The following MICAL2 variants were observed in gnomAD, a reference collection of about 807,000 sequenced individuals.
The protein encoded by MICAL2 is microtubule associated monooxygenase, calponin and LIM domain containing 2, also known as [F-actin]-monooxygenase MICAL2.
In MICAL2, 77 loss-of-function variants were observed where a neutral mutation model predicts 127.3. That is an observed-to-expected ratio of 0.60 (90% CI 0.50 to 0.73). The LOEUF (loss-of-function observed/expected upper bound fraction) is 0.73. Ranked by LOEUF, MICAL2 falls within the 30% of genes least tolerant of loss-of-function variation. The pLI is 0.00. For missense variants in MICAL2, 1,351 were observed against 1,434.4 expected (o/e 0.94, Z 0.94); for synonymous variants, 570 against 551.1 (o/e 1.03, Z -0.48).
intron 1 of MICAL2, among the ~76,000 whole-genome samples, chr11:12,119,493 TA>T (rs1050834222): frequency 2.0e-5 from 3 of 152,166 alleles, no homozygotes; most frequent in Non-Finnish European, 2.9e-5. Context: ...TTGTAATCTC[TA>T]AAAAAGGTAG....
Position 12,257,023 on chromosome 11 carries a change from G to A in MICAL2, c.3142+52G>A, listed in dbSNP as rs549926850. The A allele has an allele frequency of 1.0e-5, 16 of 1,535,480 alleles. No individual in the cohort carries two copies. In the East Asian group the frequency reaches 3.2e-4, roughly 31 times the overall value. ...GGGCTCTGGCCTTGGCCTCAGGTGT[G>A]ACCTTGGCTCGGGTTCCTGTCCCTC... On this transcript the variant is annotated intron_variant, in intron 24 of 27. Coordinates refer to ENST00000683283, the MANE Select transcript of MICAL2 (RefSeq NM_001282663.2).
chr11:12,180,552 A>G (rs897727101), intron 3 of MICAL2, among the ~76,000 whole-genome samples: 4 of 152,258 alleles, frequency 2.6e-5, no homozygotes, highest in Admixed American at 2.6e-4. Flanking sequence ...GTTTAATAAC[A>G]TCACAATAGT....
exon 35 of MICAL2, chr11:12,358,459 T>C: frequency 1.2e-6 from 2 of 1,614,164 alleles, no homozygotes; most frequent in Non-Finnish European, 1.7e-6. Flanking sequence ...CTCCAGAGGC[T>C]GTCAGCTGAG....
At position 12,221,395 on chromosome 11, in the gene MICAL2, G is replaced by A. The variant is rs1009979837; in HGVS notation, c.1207-249G>A. ...TCTCCCTCTCCCAGGATGGGAATTC[G>A]TCTCGCCTTTTCTGAGCCCTAAAGC... On this transcript the variant is annotated intron_variant, in intron 9 of 27. Coordinates refer to ENST00000683283, the MANE Select transcript of MICAL2 (RefSeq NM_001282663.2). 4.6e-5 allele frequency among the ~76,000 whole-genome samples: 7 copies of A among 152,152 alleles called. No homozygotes were observed. In the East Asian group the frequency reaches 7.7e-4, roughly 17 times the overall value.
chr11:12,248,858 T>C (rs1229487521), intron 21 of MICAL2, among the ~76,000 whole-genome samples: 1 of 146,410 alleles, frequency 6.8e-6, no homozygotes, highest in African/African-American at 2.5e-5. Context: ...GGAGGTCTCC[T>C]GTGTGCATCC....
At position 12,237,375 on chromosome 11, in the gene MICAL2, A is replaced by T. The variant is rs1859231865; in HGVS notation, c.2064+1130A>T. Among the ~76,000 whole-genome samples the T allele has an allele frequency of 3.3e-5, 5 of 152,202 alleles. No individual in the cohort carries two copies. In the South Asian group the frequency reaches 1.0e-3, roughly 32 times the overall value. ...GTGTAAGCAAGAAGCCAGCAAATAG[A>T]GACACAGAGAGGAAGCGGAGACTGC... On this transcript the variant is annotated intron_variant, in intron 16 of 27. Coordinates refer to ENST00000683283, the MANE Select transcript of MICAL2 (RefSeq NM_001282663.2).
At chr11:12,343,776 C>G (rs552022343) in intron 32 of MICAL2, among the ~76,000 whole-genome samples, 1 of 152,030 alleles carries the variant, frequency 6.6e-6, no homozygotes, top group Non-Finnish European at 1.5e-5. Flanking sequence ...ATGTTAGATA[C>G]GAGGAAAGGC....
In MICAL2 at chr11:12,209,576, T is replaced by C. The variant is rs1031326845; in HGVS notation, c.669T>C (p.Asp223=). Reference sequence around the variant, plus strand: ...AGTTTGACGTCATCATTGGTGCCGATGGCCGCAGGAACACCCTGGAAGGTG... The same window carrying C: ...AGTTTGACGTCATCATTGGTGCCGACGGCCGCAGGAACACCCTGGAAGGTG... ...EFEFDVIIGA[D]GRRNTLEGFR... The change falls in exon 6 of 28, where the codon GAT becomes GAC. Residue 223 remains aspartate (D), a synonymous_variant. Transcript: ENST00000683283. 2.1e-5 allele frequency: 34 copies of C among 1,613,900 alleles called. No homozygotes were observed. Among genetic ancestry groups the C allele is most frequent in the Non-Finnish European group, 2.9e-5 (34 of 1,179,924 alleles).
intron 3 of MICAL2, among the ~76,000 whole-genome samples, chr11:12,198,892 C>T (rs1371874473): frequency 6.6e-6 from 1 of 152,226 alleles, no homozygotes; most frequent in Non-Finnish European, 1.5e-5. Flanking sequence ...CTGGACCTGG[C>T]TTGCTCGTTC....
At chr11:12,158,394 G>T (rs1263516512) in intron 2 of MICAL2, among the ~76,000 whole-genome samples, 1 of 151,970 alleles carries the variant, frequency 6.6e-6, no homozygotes, top group Admixed American at 6.6e-5. Flanking sequence ...TCACATACAT[G>T]ATCTCACTGA....
At chr11:12,203,498 C>T (rs1854292063) in intron 3 of MICAL2, among the ~76,000 whole-genome samples, 1 of 152,136 alleles carries the variant, frequency 6.6e-6, no homozygotes, top group Non-Finnish European at 1.5e-5. Context: ...ATTTGTGTTT[C>T]CCTGAAGGCA....
At chr11:12,351,317 G>A (rs1939041122) in intron 33 of MICAL2, among the ~76,000 whole-genome samples, 1 of 152,110 alleles carries the variant, frequency 6.6e-6, no homozygotes, top group South Asian at 2.1e-4. Context: ...TAGACCAGTG[G>A]GGTTCAGCCA....
At chr11:12,355,619 T>C (rs747361245) in intron 34 of MICAL2, among the ~76,000 whole-genome samples, 1 of 152,200 alleles carries the variant, frequency 6.6e-6, no homozygotes, top group Admixed American at 6.5e-5. Context: ...TTGCCCAGTA[T>C]AGGGCAAGTA....
intron 33 of MICAL2, among the ~76,000 whole-genome samples, chr11:12,354,001 T>C (rs1046067050): frequency 6.6e-6 from 1 of 152,200 alleles, no homozygotes; most frequent in African/African-American, 2.4e-5. Context: ...ATGCTAGTCA[T>C]TTCTTCACTG....
At chr11:12,208,281 GT>G (rs3214983) in intron 5 of MICAL2, 142 bp downstream of exon 5, 263,953 of 550,026 alleles carry the variant, frequency 0.48, 60,857 homozygotes, top group East Asian at 0.66. Context: ...GTATTTTACT[GT>G]TTTTTTTTTA....
intron 1 of MICAL2, chr11:12,276,386 A>G: frequency 2.6e-6 from 1 of 382,498 alleles, no homozygotes; most frequent in East Asian, 3.8e-5. Flanking sequence ...CCCACACGTC[A>G]TAAGCACTGT....
chr11:12,297,233 A>G (rs1247935042), downstream of MICAL2, among the ~76,000 whole-genome samples: 2 of 152,158 alleles, frequency 1.3e-5, no homozygotes, highest in African/African-American at 2.4e-5. Context: ...TGATGGTGAA[A>G]TATAGATTTC....
chr11:12,213,331 G>A lies in MICAL2; in HGVS notation c.768G>A (p.Ala256=), dbSNP rs138615174. ...ACTTCATAAACAGAAACAGCACAGCGGAAGCCAAGGTGGAAGAGATTAGTG... is the reference window on the plus strand; with the variant it reads ...ACTTCATAAACAGAAACAGCACAGCAGAAGCCAAGGTGGAAGAGATTAGTG... ...TANFINRNST[A]EAKVEEISGV... The change falls in exon 7 of 28, where the codon GCG becomes GCA. Residue 256 remains alanine, a synonymous_variant. Transcript: ENST00000683283. 82 of 1,613,958 alleles carry A rather than the reference G, an allele frequency of 5.1e-5. No homozygotes were observed. Among genetic ancestry groups the A allele is most frequent in the Middle Eastern group, 1.6e-4 (1 of 6,082 alleles).
intron 2 of MICAL2, among the ~76,000 whole-genome samples, chr11:12,146,785 C>A (rs1487151992): frequency 6.6e-6 from 1 of 152,156 alleles, no homozygotes; most frequent in African/African-American, 2.4e-5. Flanking sequence ...TGGCACTATT[C>A]ACAATGGAAA....
Sources: allele counts gnomAD v4.1 joint callset (sites outside exome capture counted in the v4.1 genomes callset), GRCh38; gene constraint gnomAD v4.1.1; transcripts MANE v1.5; gene names NCBI Gene and HGNC (gene_info 2026-07-23, HGNC 2026-07-21).